Variants in PARP1 observed in about 807,000 individuals in gnomAD.
PARP1 encodes poly(ADP-ribose) polymerase 1.
PARP1 carries 44 observed loss-of-function variants against 118.7 expected under a neutral mutation model. The observed-to-expected ratio is 0.37, with a 90% CI of 0.29 to 0.48. The LOEUF (loss-of-function observed/expected upper bound fraction) is 0.48, where lower values mean the gene tolerates loss of function less well. Ranked by LOEUF, PARP1 falls within the 20% of genes least tolerant of loss-of-function variation. The pLI is 0.99. For synonymous variants in PARP1, 492 were observed against 483.2 expected, an observed-to-expected ratio of 1.02 and a Z score of -0.24; for missense variants, 1,100 against 1,272.4, an observed-to-expected ratio of 0.86 and a Z score of 2.06.
At chr1:226,394,679 T>TGGA (rs1664881497) in intron 2 of PARP1, among the ~76,000 whole-genome samples, 1 of 152,102 alleles carries the variant, frequency 6.6e-6, no homozygotes, top group Non-Finnish European at 1.5e-5. Flanking sequence ...CTCAGCAGAC[T>TGGA]GGAGGATTGC....
At chr1:226,374,109 G>A (rs1664445628) in intron 14 of PARP1, 117 bp downstream of exon 14, 4 of 1,211,648 alleles carry the variant, frequency 3.3e-6, no homozygotes, top group Non-Finnish European at 4.8e-6. Flanking sequence ...ACAAGAAGCT[G>A]ACAGCCAATG....
In PARP1 at chr1:226,365,879, A is replaced by G. The variant is rs3219138; in HGVS notation, c.2505+75T>C. 1.8e-3 allele frequency: 1,642 copies of G among 927,228 alleles called. 18 individuals carry two copies. The African/African-American group carries it at 0.023, about 13-fold the overall frequency. The allele number at this position is 927,228 out of a possible 1,614,324, so 57.4% of individuals were successfully genotyped here. On this transcript the variant is annotated intron_variant, in intron 18 of 22. Coordinates refer to ENST00000366794, the MANE Select transcript of PARP1 (RefSeq NM_001618.4). ...GTAAATAAACTGCTCTTTTCTACCC[A>G]GGCCCAGGTTGGAGGAGTGGGCAGG... is the stretch of plus-strand genomic sequence containing the variant.
chr1:226,370,795 C>T lies in PARP1; in HGVS notation c.2071-278G>A, dbSNP rs111700994. On this transcript the variant is annotated intron_variant, in intron 14 of 22. Transcript: ENST00000366794. ...ATGCCCAGTTTCAAACAGTCCAGCACGTCTGGACGAAGATATAGCATAATT... is the reference window on the plus strand; with the variant it reads ...ATGCCCAGTTTCAAACAGTCCAGCATGTCTGGACGAAGATATAGCATAATT... 2.7e-3 allele frequency: 1,312 copies of T among 485,408 alleles called. 17 individuals are homozygous for T. Among genetic ancestry groups the T allele is most frequent in the African/African-American group, 0.023 (1,186 of 51,354 alleles). The allele number at this position is 485,408 out of a possible 1,614,324, so 30.1% of individuals were successfully genotyped here.
At chr1:226,395,291 G>A (rs1455643432) in intron 2 of PARP1, among the ~76,000 whole-genome samples, 4 of 152,144 alleles carry the variant, frequency 2.6e-5, no homozygotes, top group African/African-American at 7.2e-5. Flanking sequence ...CAGCAGACAA[G>A]TGAAAGCAAG....
chr1:226,401,833 A>G (rs1174027173), intron 2 of PARP1: 7 of 626,370 alleles, frequency 1.1e-5, no homozygotes, highest in Non-Finnish European at 1.8e-5. Context: ...GTGTCAGTGT[A>G]GGTTCCTCAA....
chr1:226,386,270 CACA>C (rs1424814602), intron 6 of PARP1, 53 bp downstream of exon 6: 5 of 1,042,772 alleles, frequency 4.8e-6, no homozygotes, highest in Non-Finnish European at 7.6e-6. Flanking sequence ...ACAGTCACTC[CACA>C]ACGACGGGGT....
Position 226,390,642 on chromosome 1 carries a change from T to C in PARP1, c.403-18A>G, listed in dbSNP as rs978081626. The C allele has an allele frequency of 1.9e-6, 3 of 1,610,350 alleles. No homozygotes were observed. The highest frequency in any genetic ancestry group is 4.5e-5 in the East Asian group (2 of 44,848). On this transcript the variant is annotated intron_variant, in intron 3 of 22. Coordinates refer to ENST00000366794, the MANE Select transcript of PARP1 (RefSeq NM_001618.4). ...ACCTGGCCCTGCAGGAAAAACCATATGTGGTACCAAGGGAGCGACAAGCAA... is the reference window on the plus strand; with the variant it reads ...ACCTGGCCCTGCAGGAAAAACCATACGTGGTACCAAGGGAGCGACAAGCAA...
intron 1 of PARP1, among the ~76,000 whole-genome samples, chr1:226,403,304 G>A (rs1665074188): frequency 6.6e-6 from 1 of 152,214 alleles, no homozygotes; most frequent in Admixed American, 6.5e-5. Context: ...TCGGCCTCCT[G>A]AGTAGCTGGG....
At position 226,361,400 on chromosome 1, in the gene PARP1, G is replaced by A; in HGVS notation, c.*60C>T. The A allele has an allele frequency of 8.9e-7, 1 of 1,120,054 alleles. No individual in the cohort carries two copies. Among genetic ancestry groups the A allele is most frequent in the Non-Finnish European group, 1.4e-6 (1 of 735,602 alleles). 69.4% of individuals were successfully genotyped at this position (1,120,054 alleles called of 1,614,324 possible). On this transcript the variant is annotated 3_prime_UTR_variant, in exon 23 of 23. Coordinates refer to ENST00000366794, the MANE Select transcript of PARP1 (RefSeq NM_001618.4). ...CTTAGCGGCCAGGTGAGTTGGTGCA[G>A]AAGCGCTTCGGGTGAATTCATACCA...
Position 226,365,090 on chromosome 1 carries a change from C to T in PARP1, c.2570G>A (p.Arg857Gln), listed in dbSNP as rs190105316. 11 of 1,614,234 alleles carry T rather than the reference C, an allele frequency of 6.8e-6. No homozygotes were observed. The highest frequency in any genetic ancestry group is 4.5e-5 in the East Asian group (2 of 44,882). The change falls in exon 19 of 23, where the codon CGA (arginine) becomes CAA (glutamine). Residue 857 changes from arginine to glutamine, a missense_variant. Arg to Gln is a conservative substitution (Grantham distance 43). Around this residue, in one of 2 missense-constraint regions of PARP1, gnomAD observed 152 missense variants for 240.6 expected, o/e 0.63. Transcript: ENST00000366794. The stretch of plus-strand genomic sequence containing the variant: ...CCTGGACCCGTGCCACAGCAATCTT[C>T]GGTTATGAAGCTGCTTAAAGGGCTT... ...RYKPFKQLHN[R>Q]RLLWHGSRTT...
chr1:226,382,949 T>C, intron 8 of PARP1, 87 bp downstream of exon 8: 3 of 1,475,998 alleles, frequency 2.0e-6, no homozygotes, highest in African/African-American at 1.4e-5. Context: ...TGACGGATAC[T>C]TTCTTCACCA....
chr1:226,371,442 G>A (rs911321475), intron 14 of PARP1, among the ~76,000 whole-genome samples: 1 of 152,190 alleles, frequency 6.6e-6, no homozygotes, highest in Non-Finnish European at 1.5e-5. Flanking sequence ...ATAAAAGGAT[G>A]TGAAAAGTGC....
intron 14 of PARP1, chr1:226,371,113 T>C (rs1200251251): frequency 1.3e-5 from 2 of 158,096 alleles, no homozygotes; most frequent in Non-Finnish European, 2.8e-5. Context: ...GAAGCTGCAG[T>C]GGAAGAAGCA....
chr1:226,364,822 C>G (rs1664224520), intron 19 of PARP1, among the ~76,000 whole-genome samples, 180 bp downstream of exon 19: 1 of 152,230 alleles, frequency 6.6e-6, no homozygotes, highest in Non-Finnish European at 1.5e-5. Flanking sequence ...CTCCTTTGTT[C>G]CAGAAACTGT....
intron 8 of PARP1, among the ~76,000 whole-genome samples, chr1:226,382,523 T>C: frequency 6.6e-6 from 1 of 152,212 alleles, no homozygotes; most frequent in East Asian, 1.9e-4. Flanking sequence ...CTTGTTCTTC[T>C]ACAATGTTTA....
intron 2 of PARP1, among the ~76,000 whole-genome samples, chr1:226,393,904 C>T (rs1157465481): frequency 6.6e-6 from 1 of 152,120 alleles, no homozygotes. Flanking sequence ...AGAAGACAGA[C>T]ATGACTACAC....
At chr1:226,395,676 TA>T (rs1422398774) in intron 2 of PARP1, among the ~76,000 whole-genome samples, 1 of 152,190 alleles carries the variant, frequency 6.6e-6, no homozygotes, top group Non-Finnish European at 1.5e-5. Context: ...AGAAACCACC[TA>T]AATTTCCACA....
chr1:226,374,092 G>C, intron 14 of PARP1, 134 bp downstream of exon 14: 1 of 1,029,042 alleles, frequency 9.7e-7, no homozygotes, highest in Non-Finnish European at 1.5e-6. Flanking sequence ...AAGATTGAAG[G>C]ACAGGTACAA....
intron 17 of PARP1, 192 bp downstream of exon 17, chr1:226,367,288 G>A (rs1473570944): frequency 4.5e-6 from 3 of 670,772 alleles, no homozygotes; most frequent in African/African-American, 1.8e-5. Context: ...TTATCTACAC[G>A]TGAAACGCCC....
Sources: gnomAD v4.1 joint callset for allele counts (sites outside exome capture counted in the v4.1 genomes callset) on GRCh38, gnomAD v4.1.1 for gene constraint, gnomAD v4.1.1 regional missense constraint, MANE v1.5 for transcripts, NCBI Gene and HGNC (gene_info 2026-07-23, HGNC 2026-07-21) for gene names.